The following NLRC4 variants were observed in gnomAD, a reference collection of about 807,000 sequenced individuals.
The protein encoded by NLRC4 is NLR family CARD domain-containing protein 4.
In NLRC4, 63 loss-of-function variants were observed where a neutral mutation model predicts 79.9. The observed-to-expected ratio is 0.79, with a 90% CI of 0.64 to 0.97. NLRC4 has a LOEUF of 0.97. NLRC4 is among the 50% of genes least tolerant of loss of function. NLRC4 has a pLI of 0.00. For synonymous variants in NLRC4, 461 were observed against 456.5 expected, an observed-to-expected ratio of 1.01 and a Z score of -0.12; for missense variants, 1,074 against 1,215.2, an observed-to-expected ratio of 0.88 and a Z score of 1.73.
At position 32,250,838 on chromosome 2, in the gene NLRC4, G is replaced by C; in HGVS notation, c.1026C>G (p.Val342=). ...RNLMKTPLFV[V]ITCAIQMGES... ...CACCCATCTGGATTGCACAAGTGAT[G>C]ACCACAAAGAGAGGGGTCTTCATGA... The change falls in exon 4 of 9, where the codon GTC becomes GTG. Residue 342 remains valine (V), a synonymous_variant. Transcript: ENST00000402280. This position sits in a 1 kb window ranked among gnomAD's most constrained non-coding sequence, Gnocchi z 4.9. 6 of 1,614,160 alleles carry C rather than the reference G, an allele frequency of 3.7e-6. No individual in the cohort carries two copies. Among genetic ancestry groups the C allele is most frequent in the Non-Finnish European group, 5.1e-6 (6 of 1,180,034 alleles).
In NLRC4 at chr2:32,236,960, G is replaced by C. The variant is rs545431991; in HGVS notation, c.2522-621C>G. Among the ~76,000 whole-genome samples, 5 of 152,294 alleles carry C rather than the reference G, an allele frequency of 3.3e-5. No individual in the cohort carries two copies. The East Asian group carries it at 9.6e-4, about 29-fold the overall frequency. Reference sequence around the variant, plus strand: ...CTAAACACTCCAATTAAAAGGCAGAGATAATCAGATATTCAGAACTTTTTT... The same window carrying C: ...CTAAACACTCCAATTAAAAGGCAGACATAATCAGATATTCAGAACTTTTTT... On this transcript the variant is annotated intron_variant, in intron 6 of 8. Coordinates refer to ENST00000402280, the MANE Select transcript of NLRC4 (RefSeq NM_001199138.2).
At chr2:32,247,065 A>C (rs1173287167) in intron 4 of NLRC4, among the ~76,000 whole-genome samples, 1 of 152,160 alleles carries the variant, frequency 6.6e-6, no homozygotes, top group Non-Finnish European at 1.5e-5. Flanking sequence ...GCCCCAACCA[A>C]GTAAACAACA....
At chr2:32,254,574 C>T (rs1018654924) in intron 2 of NLRC4, among the ~76,000 whole-genome samples, 3 of 151,064 alleles carry the variant, frequency 2.0e-5, no homozygotes, top group East Asian at 3.9e-4. Flanking sequence ...TCTCAGACAC[C>T]GTCTGCACTA....
At chr2:32,241,197 C>A in intron 4 of NLRC4, 72 bp from the exon 5 acceptor site, 2 of 900,040 alleles carry the variant, frequency 2.2e-6, no homozygotes, top group South Asian at 2.9e-5. Flanking sequence ...CTATTACTGT[C>A]ATTTTTGTTA....
chr2:32,236,749 G>GAAC (rs773963639), intron 6 of NLRC4, among the ~76,000 whole-genome samples: 9 of 151,938 alleles, frequency 5.9e-5, no homozygotes, highest in African/African-American at 1.9e-4. Flanking sequence ...GGAGAAACAG[G>GAAC]AACAACAACA....
intron 8 of NLRC4, among the ~76,000 whole-genome samples, chr2:32,228,978 C>T (rs1686468699): frequency 1.3e-5 from 2 of 150,498 alleles, no homozygotes; most frequent in Admixed American, 1.3e-4. Flanking sequence ...GTTGGCCAGG[C>T]TGGTTTTGAA....
chr2:32,261,700 A>T (rs549208254), intron 1 of NLRC4, among the ~76,000 whole-genome samples: 1 of 152,178 alleles, frequency 6.6e-6, no homozygotes, highest in African/African-American at 2.4e-5. Context: ...TACCCCAATG[A>T]TGCTGCTTCA....
intron 1 of NLRC4, among the ~76,000 whole-genome samples, chr2:32,262,012 C>T (rs925812603): frequency 2.0e-5 from 3 of 151,814 alleles, no homozygotes; most frequent in African/African-American, 4.8e-5. Context: ...ACCAGGGAGG[C>T]GGAGGTTGCA....
Position 32,235,259 on chromosome 2 carries a change from C to T in NLRC4, c.2782+142G>A, listed in dbSNP as rs78029018. 3.9e-4 allele frequency: 246 copies of T among 637,112 alleles called. 2 individuals carry two copies. The East Asian group carries it at 6.2e-3, about 16-fold the overall frequency. The allele number at this position is 637,112 out of a possible 1,614,324, so 39.5% of individuals were successfully genotyped here. A position where few individuals can be genotyped will look rare whatever the true frequency, so the allele number is the denominator to read the frequency against. On this transcript the variant is annotated intron_variant, in intron 8 of 8. Transcript: ENST00000402280. ...AGTGTTTTAAGTCTTCTTACTCTAACGTGAATGAATTCATTAGACATATTT... is the reference window on the plus strand; with the variant it reads ...AGTGTTTTAAGTCTTCTTACTCTAATGTGAATGAATTCATTAGACATATTT...
In NLRC4 at chr2:32,241,128, G is replaced by A. The variant is rs1160110384; in HGVS notation, c.2258-3C>T. On this transcript the variant is annotated splice_region_variant and splice_polypyrimidine_tract_variant and intron_variant, in intron 4 of 8. Transcript: ENST00000402280. ...ACCCAAGCTGTCAGTCAGACCACCTGTCAAAAGAAAAAAGATTGGACTCTT... is the reference window on the plus strand; with the variant it reads ...ACCCAAGCTGTCAGTCAGACCACCTATCAAAAGAAAAAAGATTGGACTCTT... 1.9e-6 allele frequency: 3 copies of A among 1,574,950 alleles called. No homozygotes were observed. The highest frequency in any genetic ancestry group is 1.7e-5 in the Admixed American group (1 of 58,012).
intron 8 of NLRC4, 102 bp from the exon 9 acceptor site, chr2:32,224,867 A>C: frequency 1.5e-6 from 1 of 685,530 alleles, no homozygotes; most frequent in Non-Finnish European, 2.4e-6. Context: ...TTCACTCTGA[A>C]ATGGCCATGT....
At chr2:32,260,273 C>T (rs908828218) in intron 1 of NLRC4, among the ~76,000 whole-genome samples, 3 of 149,322 alleles carry the variant, frequency 2.0e-5, no homozygotes, top group Non-Finnish European at 3.0e-5. Context: ...TATCTATTCT[C>T]CTGTTGATGG....
At chr2:32,263,279 T>C (rs543256306) in intron 1 of NLRC4, among the ~76,000 whole-genome samples, 2 of 152,330 alleles carry the variant, frequency 1.3e-5, no homozygotes, top group South Asian at 4.1e-4. Context: ...TAAGTATCCC[T>C]AGACATGTTA....
At chr2:32,247,315 AT>A (rs766365241) in intron 4 of NLRC4, among the ~76,000 whole-genome samples, 11,478 of 138,146 alleles carry the variant, frequency 0.083, 526 homozygotes, top group Middle Eastern at 0.13. Context: ...ATTTTTTTTA[AT>A]TTTTTTTTTT....
At chr2:32,226,429 G>C (rs1686400148) in intron 8 of NLRC4, among the ~76,000 whole-genome samples, 1 of 152,212 alleles carries the variant, frequency 6.6e-6, no homozygotes, top group African/African-American at 2.4e-5. Flanking sequence ...CACCTAAAGT[G>C]ATTGGCCCTG....
intron 4 of NLRC4, among the ~76,000 whole-genome samples, chr2:32,247,991 T>C (rs1309747377): frequency 6.6e-6 from 1 of 152,026 alleles, no homozygotes. Flanking sequence ...GAAAGCAGAA[T>C]AGACATGGAG....
At chr2:32,239,767 T>C (rs1487904362) in intron 5 of NLRC4, among the ~76,000 whole-genome samples, 1 of 152,186 alleles carries the variant, frequency 6.6e-6, no homozygotes, top group Non-Finnish European at 1.5e-5. Context: ...TTTCTACCAG[T>C]TGGTAAGATC....
Position 32,250,999 on chromosome 2 carries a change from G to A in NLRC4, c.865C>T (p.Gln289Ter), listed in dbSNP as rs1248736021. Residue 289 changes from glutamine (Q) to a stop codon, truncating the protein, a stop_gained, in exon 4 of 9, where the codon CAG (glutamine) becomes TAG (stop). Transcript: ENST00000402280. LOFTEE classifies it high-confidence loss of function. This position sits in a 1 kb window ranked among gnomAD's most constrained non-coding sequence, Gnocchi z 4.9. ...TTTECLRHIRQFGALTAEVGD... is the reference protein window; with the variant it reads ...TTTECLRHIR ...ACCTCAGCAGTCAGGGCACCAAACT[G>A]CCGTATGTGCCTCAGGCACTCAGTG... 6.2e-7 allele frequency: 1 copy of A among 1,614,180 alleles called. No individual in the cohort carries two copies. The highest frequency in any genetic ancestry group is 8.5e-7 in the Non-Finnish European group (1 of 1,180,040).
intron 1 of NLRC4, among the ~76,000 whole-genome samples, 196 bp downstream of exon 1, chr2:32,264,542 C>T (rs1206082555): frequency 6.6e-6 from 1 of 151,736 alleles, no homozygotes; most frequent in Non-Finnish European, 1.5e-5. Flanking sequence ...CCCCTTGAAC[C>T]TGATGAAGCC....
Sources: allele counts gnomAD v4.1 joint callset (sites outside exome capture counted in the v4.1 genomes callset), GRCh38; gene constraint gnomAD v4.1.1; non-coding constraint Gnocchi (gnomAD v3.1); transcripts MANE v1.5; gene names NCBI Gene and HGNC (gene_info 2026-07-23, HGNC 2026-07-21).